MTARC2: variants seen among roughly 807,000 people sequenced by gnomAD.
MTARC2 encodes mitochondrial amidoxime reducing component 2.
Under a neutral mutation model 35.6 loss-of-function variants are expected in MTARC2, and 27 were observed. The observed-to-expected ratio is 0.76, with a 90% CI of 0.56 to 1.04. The LOEUF (loss-of-function observed/expected upper bound fraction) is 1.04, where lower values mean the gene tolerates loss of function less well. Ranked by LOEUF, MTARC2 falls within the 50% of genes least tolerant of loss-of-function variation. The pLI is 0.00. For missense variants in MTARC2, 412 were observed against 432.5 expected, an observed-to-expected ratio of 0.95 and a Z score of 0.42; for synonymous variants, 158 against 167.1, an observed-to-expected ratio of 0.95 and a Z score of 0.42.
intron 4 of MTARC2, among the ~76,000 whole-genome samples, chr1:220,779,581 G>C (rs1228475930): frequency 6.6e-6 from 1 of 152,232 alleles, no homozygotes; most frequent in African/African-American, 2.4e-5. Context: ...TGGCAGCAAT[G>C]AATGTGTGAA....
intron 1 of MTARC2, among the ~76,000 whole-genome samples, chr1:220,750,267 A>T (rs1671094392): frequency 6.6e-6 from 1 of 152,216 alleles, no homozygotes; most frequent in South Asian, 2.1e-4. Context: ...GTGGGACTGG[A>T]CACCTTCCAA....
chr1:220,767,482 C>T (rs76644032), intron 4 of MTARC2, among the ~76,000 whole-genome samples: 2,034 of 152,280 alleles, frequency 0.013, 32 homozygotes, highest in East Asian at 0.062. Context: ...GAATATTAAA[C>T]GATTTTTAAA....
At chr1:220,781,724 C>T in intron 6 of MTARC2, 54 bp from the exon 7 acceptor site, 1 of 1,601,778 alleles carries the variant, frequency 6.2e-7, no homozygotes, top group Non-Finnish European at 8.5e-7. Flanking sequence ...ATTGAGAATA[C>T]TTCGATTATT....
chr1:220,756,102 C>T (rs1384076768), intron 2 of MTARC2, among the ~76,000 whole-genome samples: 1 of 152,192 alleles, frequency 6.6e-6, no homozygotes, highest in Non-Finnish European at 1.5e-5. Flanking sequence ...TGGCCAAAGA[C>T]ACACCTCAGG....
At chr1:220,774,994 C>T (rs1020286312) in intron 4 of MTARC2, among the ~76,000 whole-genome samples, 9 of 151,866 alleles carry the variant, frequency 5.9e-5, no homozygotes, top group Non-Finnish European at 1.0e-4. Flanking sequence ...TATGCATCTA[C>T]GGAGAGAGAG....
intron 4 of MTARC2, among the ~76,000 whole-genome samples, chr1:220,764,905 C>A (rs545105852): frequency 6.6e-5 from 10 of 152,196 alleles, no homozygotes; most frequent in African/African-American, 2.4e-4. Context: ...ATTCAATCAT[C>A]CATTATAGGT....
At chr1:220,768,527 C>T (rs907775575) in intron 4 of MTARC2, among the ~76,000 whole-genome samples, 10 of 152,106 alleles carry the variant, frequency 6.6e-5, no homozygotes, top group Admixed American at 5.9e-4. Context: ...TGTGGCTGGC[C>T]GTCAAAAGTC....
intron 4 of MTARC2, chr1:220,770,583 A>G: frequency 1.6e-5 from 16 of 984,182 alleles, no homozygotes; most frequent in Non-Finnish European, 1.8e-5. Flanking sequence ...CTCAGAGACC[A>G]TGACCCCCCA....
chr1:220,762,983 A>T lies in MTARC2; in HGVS notation c.683A>T (p.Glu228Val). 1 of 1,614,122 alleles carries T rather than the reference A, an allele frequency of 6.2e-7. No individual in the cohort carries two copies. The highest frequency in any genetic ancestry group is 8.5e-7 in the Non-Finnish European group (1 of 1,180,016). ...ASLVDLNTRM[E>V]KKMKMENFRP... ...CTGGTAGATTTGAATACCAGGATGG[A>T]GAAGAAAATGAAAATGGAGAATTTC... The change falls in exon 4 of 8, where the codon GAG (glutamate) becomes GTG (valine). Residue 228 changes from glutamate (E) to valine (V), a missense_variant. Transcript: ENST00000366913.
intron 2 of MTARC2, among the ~76,000 whole-genome samples, chr1:220,755,752 T>C (rs1433172899): frequency 1.3e-5 from 2 of 152,160 alleles, no homozygotes; most frequent in Admixed American, 1.3e-4. Context: ...TTCTAGGAAT[T>C]GGTCAGCCCT....
intron 2 of MTARC2, among the ~76,000 whole-genome samples, chr1:220,757,566 C>A (rs1360108181): frequency 6.6e-6 from 1 of 152,132 alleles, no homozygotes; most frequent in Non-Finnish European, 1.5e-5. Context: ...AGTCTAAGAT[C>A]GAGGTGCTGG....
At chr1:220,775,083 TGC>T (rs1251237837) in intron 4 of MTARC2, among the ~76,000 whole-genome samples, 1 of 152,188 alleles carries the variant, frequency 6.6e-6, no homozygotes, top group African/African-American at 2.4e-5. Flanking sequence ...GCTTGGCAAA[TGC>T]CTACATGGAT....
intron 4 of MTARC2, among the ~76,000 whole-genome samples, chr1:220,776,479 CTT>C (rs1315412549): frequency 1.3e-5 from 2 of 151,874 alleles, no homozygotes; most frequent in Admixed American, 1.3e-4. Context: ...TGCATTTAAA[CTT>C]AATTAGCATA....
chr1:220,759,590 G>C (rs3820351), intron 2 of MTARC2, among the ~76,000 whole-genome samples: 2,031 of 152,232 alleles, frequency 0.013, 31 homozygotes, highest in East Asian at 0.059. Flanking sequence ...GGTGGGTGGA[G>C]ACTGTGAGTA....
At chr1:220,770,624 G>T in intron 4 of MTARC2, 1 of 926,800 alleles carries the variant, frequency 1.1e-6, no homozygotes, top group Non-Finnish European at 1.3e-6. Flanking sequence ...CTGGAGGGCT[G>T]TGAGTCACTG....
intron 1 of MTARC2, among the ~76,000 whole-genome samples, chr1:220,750,125 T>C (rs899691570): frequency 6.6e-6 from 1 of 152,054 alleles, no homozygotes; most frequent in Admixed American, 6.6e-5. Flanking sequence ...TGTTTAAATC[T>C]CCCCCTGGTG....
In MTARC2 at chr1:220,763,034, G is replaced by C; in HGVS notation, c.734G>C (p.Cys245Ser). 9 of 1,614,188 alleles carry C rather than the reference G, an allele frequency of 5.6e-6. No homozygotes were observed. Among genetic ancestry groups the C allele is most frequent in the Non-Finnish European group, 7.6e-6 (9 of 1,180,036 alleles). ...NFRPNIVVTG[C>S]DAFEEDTWDE... Reference sequence around the variant, plus strand: ...AGGCCAAATATTGTGGTGACCGGCTGTGATGCTTTTGAGGAGGTAAGCGAC... The same window carrying C: ...AGGCCAAATATTGTGGTGACCGGCTCTGATGCTTTTGAGGAGGTAAGCGAC... Residue 245 changes from cysteine (C) to serine (S), a missense_variant, in exon 4 of 8, where the codon TGT (cysteine) becomes TCT (serine). Physicochemically the swap from Cys to Ser is moderately radical, Grantham distance 112 (BLOSUM62 -1). Coordinates refer to ENST00000366913, the MANE Select transcript of MTARC2 (RefSeq NM_017898.5).
At chr1:220,781,549 G>C (rs890814277) in intron 6 of MTARC2, among the ~76,000 whole-genome samples, 6 of 151,974 alleles carry the variant, frequency 3.9e-5, no homozygotes, top group African/African-American at 1.5e-4. Flanking sequence ...TTTTCTTTTT[G>C]GACTTAAACT....
At chr1:220,753,084 C>G (rs1416624078) in intron 1 of MTARC2, among the ~76,000 whole-genome samples, 3 of 148,648 alleles carry the variant, frequency 2.0e-5, no homozygotes, top group Non-Finnish European at 4.5e-5. Flanking sequence ...AAAAATTAGC[C>G]GGGCATGGTG....
Sources: allele counts gnomAD v4.1 joint callset (sites outside exome capture counted in the v4.1 genomes callset), GRCh38; gene constraint gnomAD v4.1.1; transcripts MANE v1.5; gene names NCBI Gene and HGNC (gene_info 2026-07-23, HGNC 2026-07-21).